Variants in FNIP1 observed in about 807,000 individuals in gnomAD.
The protein encoded by FNIP1 is folliculin-interacting protein 1.
Under a neutral mutation model 124.5 loss-of-function variants are expected in FNIP1, and 40 were observed. That is an observed-to-expected ratio of 0.32 (90% CI 0.25 to 0.42). FNIP1 has a LOEUF of 0.42. Ranked by LOEUF, FNIP1 falls within the 10% of genes least tolerant of loss-of-function variation. The pLI, the probability that FNIP1 is intolerant of heterozygous loss-of-function variation, is 1.00. For missense variants in FNIP1, 1,176 were observed against 1,403.7 expected (o/e 0.84, Z 2.59); for synonymous variants, 472 against 470.6 (o/e 1.00, Z -0.04).
chr5:131,666,542 T>A (rs1462270641), intron 15 of FNIP1, among the ~76,000 whole-genome samples: 1 of 152,204 alleles, frequency 6.6e-6, no homozygotes, highest in African/African-American at 2.4e-5. Context: ...CAGTATGGCA[T>A]AGCAGCTTAA....
At chr5:131,649,431 T>C (rs1380969242) in intron 16 of FNIP1, among the ~76,000 whole-genome samples, 1 of 152,248 alleles carries the variant, frequency 6.6e-6, no homozygotes, top group African/African-American at 2.4e-5. Flanking sequence ...CATATTTTCA[T>C]GTGCTTATTG....
chr5:131,717,757 T>G (rs1191936934), intron 5 of FNIP1, among the ~76,000 whole-genome samples: 1 of 152,208 alleles, frequency 6.6e-6, no homozygotes, highest in Non-Finnish European at 1.5e-5. Context: ...AAAACTCTGG[T>G]GATTATGGCT....
chr5:131,746,918 T>C (rs543645406), intron 1 of FNIP1, among the ~76,000 whole-genome samples: 1 of 152,308 alleles, frequency 6.6e-6, no homozygotes, highest in East Asian at 1.9e-4. Flanking sequence ...TTCCCTTTTC[T>C]CCACAGCCTC....
chr5:131,783,453 C>CAA (rs568684656), intron 1 of FNIP1, among the ~76,000 whole-genome samples: 6 of 132,690 alleles, frequency 4.5e-5, no homozygotes, highest in South Asian at 4.8e-4. Context: ...CAAAACAGAC[C>CAA]AAAAAAAAAA....
intron 1 of FNIP1, among the ~76,000 whole-genome samples, chr5:131,751,530 T>G (rs1340869184): frequency 6.7e-6 from 1 of 148,236 alleles, no homozygotes; most frequent in Non-Finnish European, 1.5e-5. Context: ...TGTAATATCA[T>G]AGGCACTAAA....
intron 1 of FNIP1, among the ~76,000 whole-genome samples, chr5:131,748,880 T>C (rs1163118607): frequency 2.6e-5 from 4 of 152,094 alleles, no homozygotes; most frequent in African/African-American, 7.2e-5. Flanking sequence ...GACAGTTCCA[T>C]GTGTGTTATT....
At chr5:131,789,387 T>A (rs9327622) in intron 1 of FNIP1, among the ~76,000 whole-genome samples, 119,275 of 152,128 alleles carry the variant, frequency 0.78, 47,005 homozygotes, top group African/African-American at 0.83. Flanking sequence ...ATGATTCTTA[T>A]AATTGTTGGT....
intron 1 of FNIP1, among the ~76,000 whole-genome samples, chr5:131,774,087 C>T (rs1174417115): frequency 2.0e-5 from 3 of 152,208 alleles, no homozygotes; most frequent in South Asian, 2.1e-4. Context: ...AGTGCAGTGA[C>T]GTGATCATAG....
At chr5:131,691,561 A>G (rs1768481772) in intron 11 of FNIP1, among the ~76,000 whole-genome samples, 1 of 152,210 alleles carries the variant, frequency 6.6e-6, no homozygotes, top group Admixed American at 6.5e-5. Context: ...TGAAAAGATC[A>G]GTAAAATTGT....
chr5:131,735,282 G>A (rs1025482354), intron 2 of FNIP1, among the ~76,000 whole-genome samples: 4 of 151,978 alleles, frequency 2.6e-5, no homozygotes, highest in African/African-American at 9.7e-5. Flanking sequence ...ACACACGAAG[G>A]GGAACATCAC....
chr5:131,719,787 T>C (rs1249477272), intron 3 of FNIP1, among the ~76,000 whole-genome samples: 1 of 152,236 alleles, frequency 6.6e-6, no homozygotes, highest in Non-Finnish European at 1.5e-5. Context: ...GCAATGTTTC[T>C]CCAGGATAGA....
intron 13 of FNIP1, among the ~76,000 whole-genome samples, chr5:131,674,037 AAAAAAATAAAAATAAT>A (rs1032896733): frequency 5.9e-5 from 9 of 152,018 alleles, no homozygotes; most frequent in African/African-American, 2.2e-4. Flanking sequence ...ACTCCGTCTC[AAAAAAATAAAAATAAT>A]AAAAAATAAA....
chr5:131,694,824 G>A (rs982095336), intron 11 of FNIP1, among the ~76,000 whole-genome samples: 1 of 151,930 alleles, frequency 6.6e-6, no homozygotes, highest in East Asian at 1.9e-4. Context: ...AATAACTGAC[G>A]CCAGGTGTGG....
chr5:131,772,665 T>A (rs1239802554), intron 1 of FNIP1, among the ~76,000 whole-genome samples: 1 of 152,154 alleles, frequency 6.6e-6, no homozygotes, highest in Non-Finnish European at 1.5e-5. Context: ...AGTCTCCCAA[T>A]TGGGTAGATT....
chr5:131,733,003 G>A (rs201416298), intron 2 of FNIP1, among the ~76,000 whole-genome samples: 7 of 151,904 alleles, frequency 4.6e-5, no homozygotes, highest in South Asian at 4.1e-4. Context: ...CTTTTATTTC[G>A]TTGAGCAGTG....
intron 11 of FNIP1, among the ~76,000 whole-genome samples, chr5:131,679,627 C>G (rs891116275): frequency 6.6e-6 from 1 of 152,220 alleles, no homozygotes; most frequent in African/African-American, 2.4e-5. Flanking sequence ...TTATCTGCAT[C>G]ATTTTGTTGC....
intron 9 of FNIP1, 21 bp downstream of exon 9, chr5:131,706,390 G>C (rs748145265): frequency 2.5e-6 from 4 of 1,599,484 alleles, no homozygotes; most frequent in Non-Finnish European, 8.5e-7. Flanking sequence ...ATCTTGTTCT[G>C]TGTTTAAAGT....
intron 3 of FNIP1, among the ~76,000 whole-genome samples, chr5:131,721,253 A>AT (rs1769650612): frequency 6.6e-6 from 1 of 152,208 alleles, no homozygotes; most frequent in South Asian, 2.1e-4. Context: ...GCATGATAAG[A>AT]TAAATACTCC....
At chr5:131,690,899 C>T (rs1768457853) in intron 11 of FNIP1, among the ~76,000 whole-genome samples, 1 of 152,196 alleles carries the variant, frequency 6.6e-6, no homozygotes, top group African/African-American at 2.4e-5. Context: ...AATAAATCCA[C>T]TATTTTCCTT....
Sources: gnomAD v4.1 joint callset for allele counts (sites outside exome capture counted in the v4.1 genomes callset) on GRCh38, gnomAD v4.1.1 for gene constraint, MANE v1.5 for transcripts, NCBI Gene and HGNC (gene_info 2026-07-23, HGNC 2026-07-21) for gene names.